The following PHLPP2 variants were observed in gnomAD, a reference collection of about 807,000 sequenced individuals.
PHLPP2 encodes the protein PH domain leucine-rich repeat-containing protein phosphatase 2.
PHLPP2 carries 66 observed loss-of-function variants against 124.9 expected under a neutral mutation model. That is an observed-to-expected ratio of 0.53 (90% CI 0.43 to 0.65). The LOEUF is 0.65. Ranked by LOEUF, PHLPP2 falls within the 30% of genes least tolerant of loss-of-function variation. The pLI is 0.00. For synonymous variants in PHLPP2, 681 were observed against 624.7 expected (o/e 1.09, Z -1.34); for missense variants, 1,685 against 1,600.4 (o/e 1.05, Z -0.90).
chr16:71,664,005 G>C lies in PHLPP2; in HGVS notation c.1879C>G (p.Leu627Val). The change falls in exon 13 of 19, where the codon CTG (leucine) becomes GTG (valine). Residue 627 changes from leucine to valine, a missense_variant. Transcript: ENST00000568954. Reference protein sequence around the residue: ...ESLSMLQLLYLTNNLLTDQCI... With the variant: ...ESLSMLQLLYVTNNLLTDQCI... ...TGATCCGTCAGGAGATTGTTGGTCA[G>C]ATAAAGCAGCTGCAGCATACTCAAA... 2 of 1,613,914 alleles carry C rather than the reference G, an allele frequency of 1.2e-6. No homozygotes were observed. Among genetic ancestry groups the C allele is most frequent in the South Asian group, 2.2e-5 (2 of 91,072 alleles).
chr16:71,704,307 CAA>C (rs56882820), intron 2 of PHLPP2, among the ~76,000 whole-genome samples: 4 of 98,744 alleles, frequency 4.1e-5, no homozygotes, highest in Admixed American at 1.0e-4. Context: ...GACTCTGTCT[CAA>C]AAAAAAAAAA....
At chr16:71,661,524 G>T (rs1451946484) in intron 13 of PHLPP2, among the ~76,000 whole-genome samples, 2 of 151,968 alleles carry the variant, frequency 1.3e-5, no homozygotes, top group Non-Finnish European at 2.9e-5. Flanking sequence ...GCTTCCAGTG[G>T]TCTATTATTT....
rs2044758738 is a variant in PHLPP2, at chr16:71,658,323, A to G, written c.2189T>C (p.Ile730Thr). The G allele has an allele frequency of 6.2e-7, 1 of 1,613,802 alleles. No individual in the cohort carries two copies. Among genetic ancestry groups the G allele is most frequent in the African/African-American group, 1.3e-5 (1 of 74,944 alleles). The change falls in exon 15 of 19, where the codon ATT (isoleucine) becomes ACT (threonine). Residue 730 changes from isoleucine to threonine, a missense_variant. By Grantham distance (89) the Ile-to-Thr change is moderately conservative (BLOSUM62 -1). Coordinates refer to ENST00000568954, the MANE Select transcript of PHLPP2 (RefSeq NM_015020.3). ...LSCNDLTEILIPEALPATLQD... is the reference protein window; with the variant it reads ...LSCNDLTEILTPEALPATLQD... Reference sequence around the variant, plus strand: ...TAATGTAGCAGGCAAAGCCTCTGGAATCAGGATTTCTGTCAAGTCGTTGCA... The same window carrying G: ...TAATGTAGCAGGCAAAGCCTCTGGAGTCAGGATTTCTGTCAAGTCGTTGCA...
At chr16:71,662,062 T>C (rs1298482142) in intron 13 of PHLPP2, among the ~76,000 whole-genome samples, 1 of 151,694 alleles carries the variant, frequency 6.6e-6, no homozygotes, top group Non-Finnish European at 1.5e-5. Context: ...GACCTCGTGA[T>C]CCGCCCGCCT....
rs185164682 is a variant in PHLPP2 at position 71,721,024 on chromosome 16, A to G, written c.-7+3305T>C. ...AGGGATGGGATGAGATAGAGAAAGA[A>G]TATGTCAGCGCTTTAAAAATGTTTT... On this transcript the variant is annotated intron_variant, in intron 1 of 18. Transcript: ENST00000568954. Among the ~76,000 whole-genome samples the G allele has an allele frequency of 6.6e-5, 10 of 151,134 alleles. 1 individual carries two copies. The highest frequency in any genetic ancestry group is 4.0e-4 in the Admixed American group (6 of 15,188).
At chr16:71,672,442 AT>A in intron 9 of PHLPP2, 120 bp from the exon 10 acceptor site, 1 of 731,304 alleles carries the variant, frequency 1.4e-6, no homozygotes, top group Non-Finnish European at 2.3e-6. Context: ...TTCTACCAAG[AT>A]GAGCTAAAGA....
intron 15 of PHLPP2, 36 bp downstream of exon 15, chr16:71,658,197 G>A (rs1395907583): frequency 1.9e-6 from 3 of 1,594,588 alleles, no homozygotes; most frequent in East Asian, 2.2e-5. Flanking sequence ...GGTGGGCTAA[G>A]AGCACATAGA....
chr16:71,678,990 A>T lies in PHLPP2; in HGVS notation c.1038-5T>A. The T allele has an allele frequency of 6.6e-7, 1 of 1,508,102 alleles. No homozygotes were observed. The highest frequency in any genetic ancestry group is 2.3e-5 in the East Asian group (1 of 44,392). The allele number at this position is 1,508,102 out of a possible 1,614,324, so 93.4% of individuals were successfully genotyped here. On this transcript the variant is annotated splice_polypyrimidine_tract_variant and splice_region_variant and intron_variant, in intron 7 of 18. Coordinates refer to ENST00000568954, the MANE Select transcript of PHLPP2 (RefSeq NM_015020.3). ...TCAAGACAGAGGGTTTGAAGACTAT[A>T]GGAAGAAAACAAAACAAGTCTACTT...
intron 3 of PHLPP2, chr16:71,698,488 C>G (rs2045196590): frequency 4.0e-6 from 3 of 748,946 alleles, no homozygotes; most frequent in Non-Finnish European, 7.2e-6. Flanking sequence ...CTGCGGCTTT[C>G]CAAAGGCACC....
intron 2 of PHLPP2, among the ~76,000 whole-genome samples, chr16:71,710,567 T>A (rs2045317216): frequency 1.3e-5 from 2 of 152,196 alleles, no homozygotes; most frequent in African/African-American, 2.4e-5. Context: ...TAGGTAATAT[T>A]TATTGAGCAC....
Position 71,649,928 on chromosome 16 carries a change from C to G in PHLPP2, c.2934G>C (p.Glu978Asp). ...ISSTPLTIQD[E>D]LLILGNKALW... ...ATGCTTTGTTTCCCAGAATCAGCAA[C>G]TCATCTTGAATGGTCAGCGGAGTGG... Residue 978 changes from glutamate (E) to aspartate (D), a missense_variant, in exon 19 of 19, where the codon GAG becomes GAC. Glu to Asp is a conservative substitution (Grantham distance 45, BLOSUM62 2). Transcript: ENST00000568954. 6.2e-7 allele frequency: 1 copy of G among 1,614,170 alleles called. No individual in the cohort carries two copies. Among genetic ancestry groups the G allele is most frequent in the Non-Finnish European group, 8.5e-7 (1 of 1,180,028 alleles).
chr16:71,718,218 AAC>A (rs1487274379), intron 1 of PHLPP2, among the ~76,000 whole-genome samples: 5 of 152,154 alleles, frequency 3.3e-5, no homozygotes, highest in African/African-American at 4.8e-5. Flanking sequence ...GAGGATTTTT[AAC>A]AGTCATTTTT....
At chr16:71,721,604 AT>A (rs1567632904) in intron 1 of PHLPP2, among the ~76,000 whole-genome samples, 2 of 152,110 alleles carry the variant, frequency 1.3e-5, no homozygotes, top group African/African-American at 2.4e-5. Flanking sequence ...CTAAAAAAAA[AT>A]CTTTTTAAAT....
intron 13 of PHLPP2, among the ~76,000 whole-genome samples, chr16:71,659,457 G>A (rs549199156): frequency 6.6e-6 from 1 of 151,998 alleles, no homozygotes; most frequent in Non-Finnish European, 1.5e-5. Context: ...CTCCATGTTG[G>A]CCAGGATGGT....
chr16:71,701,099 A>T (rs2045228317), intron 3 of PHLPP2, among the ~76,000 whole-genome samples: 4 of 152,146 alleles, frequency 2.6e-5, no homozygotes, highest in African/African-American at 9.7e-5. Context: ...AGGCCTACTC[A>T]GGCCTTCAGA....
chr16:71,696,457 T>G (rs190131469), intron 3 of PHLPP2, among the ~76,000 whole-genome samples: 2 of 152,014 alleles, frequency 1.3e-5, no homozygotes, highest in African/African-American at 2.4e-5. Context: ...ACCAACATGG[T>G]GAAACCCTGT....
chr16:71,682,018 A>AG, intron 5 of PHLPP2, 113 bp from the exon 6 acceptor site: 1 of 737,652 alleles, frequency 1.4e-6, no homozygotes, highest in South Asian at 3.0e-5. Context: ...ATAGGAAAAA[A>AG]AAGGCAATAA....
At chr16:71,694,394 G>A (rs1230025712) in intron 3 of PHLPP2, among the ~76,000 whole-genome samples, 1 of 151,926 alleles carries the variant, frequency 6.6e-6, no homozygotes, top group Non-Finnish European at 1.5e-5. Flanking sequence ...CTGGGAGGCC[G>A]AGCTTGCAGT....
At chr16:71,670,317 C>A (rs1402258128) in intron 10 of PHLPP2, among the ~76,000 whole-genome samples, 1 of 152,014 alleles carries the variant, frequency 6.6e-6, no homozygotes, top group East Asian at 1.9e-4. Context: ...AAGGACAGAA[C>A]CTTGGGGATA....
Sources: gnomAD v4.1 joint callset for allele counts (sites outside exome capture counted in the v4.1 genomes callset) on GRCh38, gnomAD v4.1.1 for gene constraint, MANE v1.5 for transcripts, NCBI Gene and HGNC (gene_info 2026-07-23, HGNC 2026-07-21) for gene names.